TENM4: variants seen among roughly 807,000 people sequenced by gnomAD.
TENM4 encodes the protein teneurin-4.
In TENM4, 82 loss-of-function variants were observed where a neutral mutation model predicts 243.3. The ratio of observed to expected loss-of-function variants is 0.34; its 90% CI spans 0.28 to 0.40. TENM4 has a LOEUF of 0.40. TENM4 is among the 10% of genes least tolerant of loss of function. TENM4 has a pLI of 1.00. For synonymous variants in TENM4, 1,412 were observed against 1,456.3 expected (o/e 0.97, Z 0.69); for missense variants, 3,138 against 3,673.3 (o/e 0.85, Z 3.77).
At chr11:79,262,447 G>A (rs1465049556) in intron 2 of TENM4, among the ~76,000 whole-genome samples, 3 of 152,138 alleles carry the variant, frequency 2.0e-5, no homozygotes, top group Non-Finnish European at 2.9e-5. Context: ...GGAAGTGGAC[G>A]CCAGTCTTGA....
At chr11:78,664,835 A>G (rs150851078) in intron 32 of TENM4, among the ~76,000 whole-genome samples, 1 of 152,362 alleles carries the variant, frequency 6.6e-6, no homozygotes, top group African/African-American at 2.4e-5. Flanking sequence ...GAATGCTTCT[A>G]TAAGGAATAC....
intron 1 of TENM4, among the ~76,000 whole-genome samples, chr11:79,437,783 C>T (rs1434560679): frequency 1.3e-5 from 2 of 152,206 alleles, no homozygotes; most frequent in Admixed American, 1.3e-4. Context: ...ACCTGATTCC[C>T]GCCCTGCCCG....
chr11:78,926,909 G>A (rs1312765682), intron 6 of TENM4, among the ~76,000 whole-genome samples: 1 of 152,074 alleles, frequency 6.6e-6, no homozygotes, highest in Admixed American at 6.5e-5. Flanking sequence ...GGCTTTGCGT[G>A]ATTTTCTAGG....
intron 1 of TENM4, among the ~76,000 whole-genome samples, chr11:79,393,552 T>C (rs1157239965): frequency 6.6e-6 from 1 of 152,230 alleles, no homozygotes; most frequent in Non-Finnish European, 1.5e-5. Context: ...CTGATGGGAC[T>C]GCGTCAGCCC....
chr11:78,771,659 C>G (rs1188568686), intron 17 of TENM4, among the ~76,000 whole-genome samples: 2 of 152,138 alleles, frequency 1.3e-5, no homozygotes, highest in African/African-American at 2.4e-5. Flanking sequence ...TTATTGGACC[C>G]TAGGCTTTTC....
intron 6 of TENM4, among the ~76,000 whole-genome samples, chr11:79,058,272 G>A (rs916759184): frequency 5.3e-5 from 8 of 152,142 alleles, no homozygotes; most frequent in East Asian, 1.9e-4. Context: ...GGCCAGGTGC[G>A]GTGGCTCACG....
At chr11:79,214,121 A>G (rs1412565565) in intron 3 of TENM4, among the ~76,000 whole-genome samples, 1 of 151,942 alleles carries the variant, frequency 6.6e-6, no homozygotes, top group East Asian at 1.9e-4. Context: ...CCTCCCGAGT[A>G]GCTGGGACTA....
intron 3 of TENM4, among the ~76,000 whole-genome samples, chr11:79,180,629 T>C (rs1182589029): frequency 6.6e-6 from 1 of 151,554 alleles, no homozygotes; most frequent in Non-Finnish European, 1.5e-5. Context: ...TATATTTTTA[T>C]ATTTGTTTTT....
At chr11:79,034,675 G>A (rs1859331753) in intron 6 of TENM4, among the ~76,000 whole-genome samples, 1 of 151,978 alleles carries the variant, frequency 6.6e-6, no homozygotes, top group Non-Finnish European at 1.5e-5. Flanking sequence ...ATGCTAACGG[G>A]TGCTCCATAG....
At chr11:79,371,820 C>T (rs1354809989) in intron 1 of TENM4, among the ~76,000 whole-genome samples, 1 of 152,166 alleles carries the variant, frequency 6.6e-6, no homozygotes, top group Non-Finnish European at 1.5e-5. Flanking sequence ...ATCACCAGCC[C>T]CCTGTAATTC....
chr11:79,265,541 C>T (rs1467314107), intron 2 of TENM4, among the ~76,000 whole-genome samples: 6 of 80,264 alleles, frequency 7.5e-5, no homozygotes, highest in African/African-American at 2.8e-4. Context: ...ATTAATTTCC[C>T]CTGTTTCTGT....
intron 4 of TENM4, among the ~76,000 whole-genome samples, chr11:79,138,570 A>G (rs1433391026): frequency 3.8e-5 from 1 of 26,078 alleles, no homozygotes; most frequent in Non-Finnish European, 7.8e-5. Context: ...TACATAAAAC[A>G]TATATTTATA....
intron 1 of TENM4, among the ~76,000 whole-genome samples, chr11:79,418,216 A>G (rs989300246): frequency 6.6e-6 from 1 of 152,208 alleles, no homozygotes; most frequent in African/African-American, 2.4e-5. Flanking sequence ...CATCTGACCA[A>G]TGGCTACCCT....
intron 15 of TENM4, among the ~76,000 whole-genome samples, chr11:78,804,645 C>G (rs1215812147): frequency 6.6e-6 from 1 of 152,168 alleles, no homozygotes. Flanking sequence ...TGTGATGAAC[C>G]AAATGCCACA....
intron 2 of TENM4, among the ~76,000 whole-genome samples, chr11:79,221,303 G>A (rs1467457479): frequency 6.6e-6 from 1 of 152,094 alleles, no homozygotes; most frequent in African/African-American, 2.4e-5. Flanking sequence ...CAAATAAACA[G>A]GGAGAGAAGA....
At chr11:79,032,325 G>A (rs1013409852) in intron 6 of TENM4, among the ~76,000 whole-genome samples, 4 of 152,168 alleles carry the variant, frequency 2.6e-5, no homozygotes, top group African/African-American at 9.7e-5. Context: ...AACCCTGGAT[G>A]TAGACCTCGA....
At chr11:79,108,780 C>T (rs1487491090) in intron 4 of TENM4, among the ~76,000 whole-genome samples, 1 of 152,180 alleles carries the variant, frequency 6.6e-6, no homozygotes, top group Non-Finnish European at 1.5e-5. Flanking sequence ...ATAGTAGTGG[C>T]CACTGGACCT....
chr11:78,998,742 G>A (rs915707953), intron 6 of TENM4, among the ~76,000 whole-genome samples: 3 of 152,126 alleles, frequency 2.0e-5, no homozygotes, highest in South Asian at 4.1e-4. Context: ...TGGCATTGTC[G>A]TAAAAGTAGT....
chr11:78,835,477 G>C, intron 12 of TENM4, among the ~76,000 whole-genome samples: 1 of 152,200 alleles, frequency 6.6e-6, no homozygotes, highest in Admixed American at 6.5e-5. Context: ...CTGCACTCTA[G>C]CCTGGTGACA....
Sources: allele counts gnomAD v4.1 joint callset (sites outside exome capture counted in the v4.1 genomes callset), GRCh38; gene constraint gnomAD v4.1.1; transcripts MANE v1.5; gene names NCBI Gene and HGNC (gene_info 2026-07-23, HGNC 2026-07-21).